DNAH2: variants seen among roughly 807,000 people sequenced by gnomAD.
DNAH2 encodes axonemal beta dynein heavy chain 2.
DNAH2 carries 323 observed loss-of-function variants against 523.5 expected under a neutral mutation model. The ratio of observed to expected loss-of-function variants is 0.62; its 90% confidence interval spans 0.56 to 0.68. The LOEUF (loss-of-function observed/expected upper bound fraction) is 0.68, where lower values mean the gene tolerates loss of function less well. Ranked by LOEUF, DNAH2 falls within the 30% of genes least tolerant of loss-of-function variation. The probability of loss-of-function intolerance (pLI) is 0.00; values close to 1 mark genes in which losing one functional copy is unlikely to be tolerated. For synonymous variants in DNAH2, 2,093 were observed against 2,177.4 expected, an observed-to-expected ratio of 0.96 and a Z score of 1.08; for missense variants, 4,907 against 5,701.5, an observed-to-expected ratio of 0.86 and a Z score of 4.49.
At chr17:7,789,881 A>G (rs1263149659) in intron 44 of DNAH2, among the ~76,000 whole-genome samples, 1 of 151,910 alleles carries the variant, frequency 6.6e-6, no homozygotes. Flanking sequence ...CCTGGCCAGG[A>G]TTGAGGATTA....
At chr17:7,726,226 G>C (rs2074804952) in intron 3 of DNAH2, among the ~76,000 whole-genome samples, 1 of 151,608 alleles carries the variant, frequency 6.6e-6, no homozygotes, top group Non-Finnish European at 1.5e-5. Context: ...GGCTGGTCTT[G>C]AATGCCTGAC....
rs761275296 is a variant in DNAH2 at position 7,818,477 on chromosome 17, G to A, written c.10536+17G>A. On this transcript the variant is annotated intron_variant, in intron 69 of 85. Coordinates refer to ENST00000572933, the MANE Select transcript of DNAH2 (RefSeq NM_020877.5). Reference sequence around the variant, plus strand: ...AAAGAACAGGTGGGTACAGGCTGAGGTCCAGACTGAGCTAGGGTGAAGCAG... The same window carrying A: ...AAAGAACAGGTGGGTACAGGCTGAGATCCAGACTGAGCTAGGGTGAAGCAG... 3.3e-5 allele frequency: 53 copies of A among 1,613,670 alleles called. 1 individual carries two copies. The South Asian group carries it at 4.7e-4, about 14-fold the overall frequency.
intron 12 of DNAH2, among the ~76,000 whole-genome samples, chr17:7,751,013 T>C (rs1212103901): frequency 1.3e-5 from 2 of 152,238 alleles, no homozygotes; most frequent in African/African-American, 4.8e-5. Flanking sequence ...GTATTTAGAA[T>C]GCAAAGTTTC....
intron 56 of DNAH2, among the ~76,000 whole-genome samples, chr17:7,799,661 A>C (rs1215439838): frequency 2.6e-5 from 4 of 152,118 alleles, no homozygotes; most frequent in Non-Finnish European, 5.9e-5. Context: ...CTAAAAATAC[A>C]AAAAATTAGC....
At chr17:7,728,501 A>G (rs2074892560) in intron 4 of DNAH2, among the ~76,000 whole-genome samples, 1 of 152,200 alleles carries the variant, frequency 6.6e-6, no homozygotes, top group African/African-American at 2.4e-5. Flanking sequence ...CCACAAAACA[A>G]TGAAAAAAGA....
In DNAH2 at chr17:7,763,878, A is replaced by G; in HGVS notation, c.3026A>G (p.Asn1009Ser). ...GTGCAGAAGGAGGAGACAGTCACCA[A>G]CATCCAGTTTGTGCTGCTGGACTGT... ...NNVQKEETVT[N>S]IQFVLLDCSH... The change falls in exon 19 of 86, where the codon AAC becomes AGC. Residue 1009 changes from asparagine to serine, a missense_variant. This residue lies in a region of DNAH2 where 2,806 missense variants were observed against 3,190.8 expected (regional missense o/e 0.88). Coordinates refer to ENST00000572933, the MANE Select transcript of DNAH2 (RefSeq NM_020877.5). 6.2e-7 allele frequency: 1 copy of G among 1,614,216 alleles called. No individual in the cohort carries two copies. The highest frequency in any genetic ancestry group is 8.5e-7 in the Non-Finnish European group (1 of 1,180,036).
At chr17:7,817,180 G>A in intron 64 of DNAH2, 110 bp from the exon 65 acceptor site, 1 of 1,430,406 alleles carries the variant, frequency 7.0e-7, no homozygotes, top group Non-Finnish European at 9.2e-7. Context: ...GGGAGGGAAA[G>A]ATCCTCTTTG....
chr17:7,797,090 A>T, intron 50 of DNAH2, 86 bp from the exon 51 acceptor site: 1 of 1,205,336 alleles, frequency 8.3e-7, no homozygotes, highest in Non-Finnish European at 1.2e-6. Context: ...AGACAGAGTG[A>T]GACTCTGTCC....
intron 30 of DNAH2, 88 bp from the exon 31 acceptor site, chr17:7,775,936 A>C: frequency 6.4e-7 from 1 of 1,550,990 alleles, no homozygotes; most frequent in Non-Finnish European, 8.8e-7. Context: ...CAAAGCCCTG[A>C]AGTGCTGCTC....
rs755989367 is a variant in DNAH2, at chr17:7,799,194, A to C, written c.8651A>C (p.Asn2884Thr). Reference protein sequence around the residue: ...LFAYLIERVQNNLHIVLCLSP... With the variant: ...LFAYLIERVQTNLHIVLCLSP... ...GCCTACCTCATTGAACGCGTGCAGA[A>C]CAACCTGCACATCGTGCTCTGCCTC... Residue 2884 changes from asparagine to threonine, a missense_variant, in exon 56 of 86, where the codon AAC becomes ACC. Asn to Thr is a moderately conservative substitution (Grantham distance 65). Coordinates refer to ENST00000572933, the MANE Select transcript of DNAH2 (RefSeq NM_020877.5). 20 of 1,614,234 alleles carry C rather than the reference A, an allele frequency of 1.2e-5. No individual in the cohort carries two copies. Among genetic ancestry groups the C allele is most frequent in the Admixed American group, 3.3e-5 (2 of 60,022 alleles).
chr17:7,817,364 C>G lies in DNAH2; in HGVS notation c.9969C>G (p.Pro3323=). The G allele has an allele frequency of 6.2e-7, 1 of 1,613,578 alleles. No individual in the cohort carries two copies. Residue 3323 remains proline, a synonymous_variant, in exon 65 of 86, where the codon CCC becomes CCG. Coordinates refer to ENST00000572933, the MANE Select transcript of DNAH2 (RefSeq NM_020877.5). ...LAAAFLSYMG[P]FLTNYRDEIV... is the part of the protein sequence containing the mutation. ...CTGCCTTCCTGTCCTACATGGGACC[C>G]TTCCTGACCAACTACCGGGATGAGA...
At chr17:7,749,132 T>TA (rs2075596798) in intron 12 of DNAH2, among the ~76,000 whole-genome samples, 1 of 149,626 alleles carries the variant, frequency 6.7e-6, no homozygotes, top group African/African-American at 2.5e-5. Flanking sequence ...AACATGGAGA[T>TA]ACCCTGTCTC....
chr17:7,740,975 A>T lies in DNAH2; in HGVS notation c.1672A>T (p.Ile558Phe). The T allele has an allele frequency of 1.2e-6, 2 of 1,604,072 alleles. No homozygotes were observed. Among genetic ancestry groups the T allele is most frequent in the Non-Finnish European group, 1.7e-6 (2 of 1,172,178 alleles). ...ARWVHILRRR[I>F]DRVMTCLAGA... is the part of the protein sequence containing the mutation. ...CTGGGTGCACATCCTCCGGCGTCGC[A>T]TCGACAGAGTCATGACCGTAAGTGC... Residue 558 changes from isoleucine to phenylalanine, a missense_variant, in exon 11 of 86, where the codon ATC (isoleucine) becomes TTC (phenylalanine). By Grantham distance (21) the Ile-to-Phe change is conservative. Transcript: ENST00000572933.
At chr17:7,806,105 A>T (rs181984641) in intron 61 of DNAH2, among the ~76,000 whole-genome samples, 1 of 152,318 alleles carries the variant, frequency 6.6e-6, no homozygotes, top group East Asian at 1.9e-4. Context: ...CCATACAATC[A>T]TTCTGTTTTT....
rs754594423 is a variant in DNAH2 at position 7,818,068 on chromosome 17, C to A, written c.10359C>A (p.Pro3453=). ...VQEYLDPTLN[P]MLNKSVARIG... is the part of the protein sequence containing the mutation. Reference sequence around the variant, plus strand: ...AATATCTGGACCCCACACTGAACCCCATGCTCAACAAATCTGTAGCCCGAA... The same window carrying A: ...AATATCTGGACCCCACACTGAACCCAATGCTCAACAAATCTGTAGCCCGAA... The change falls in exon 68 of 86, where the codon CCC becomes CCA. Residue 3453 remains proline, a synonymous_variant. Transcript: ENST00000572933. The A allele has an allele frequency of 1.1e-5, 17 of 1,613,124 alleles. No individual in the cohort carries two copies. In the South Asian group the frequency reaches 1.9e-4, roughly 18 times the overall value.
At position 7,739,262 on chromosome 17, in the gene DNAH2, C is replaced by T. The variant is rs541697112; in HGVS notation, c.1171-471C>T. Among the ~76,000 whole-genome samples, 4 of 152,272 alleles carry T rather than the reference C, an allele frequency of 2.6e-5. No homozygotes were observed. In the South Asian group the frequency reaches 8.3e-4, roughly 32 times the overall value. ...CTCTACTAAAAATACAAAAATTAGC[C>T]GGGCCTGGTGGTGCATACCTGTAAT... On this transcript the variant is annotated intron_variant, in intron 8 of 85. Transcript: ENST00000572933.
At position 7,752,651 on chromosome 17, in the gene DNAH2, A is replaced by G. The variant is rs113822396; in HGVS notation, c.1905-4440A>G. Among the ~76,000 whole-genome samples, 623 of 152,306 alleles carry G rather than the reference A, an allele frequency of 4.1e-3. 4 individuals are homozygous for G. Among genetic ancestry groups the G allele is most frequent in the Middle Eastern group, 0.014 (4 of 294 alleles). On this transcript the variant is annotated intron_variant, in intron 12 of 85. Transcript: ENST00000572933. ...CGTGAACCTGGGAGGCAGAGCTTGC[A>G]GTGAGCTGAGATTGCGCCACTGCAC...
In DNAH2 at chr17:7,719,832, A is replaced by G. The variant is rs2074543076; in HGVS notation, c.98A>G (p.Gln33Arg). Residue 33 changes from glutamine to arginine, a missense_variant, in exon 2 of 86, where the codon CAG (glutamine) becomes CGG (arginine). By Grantham distance (43) the Gln-to-Arg change is conservative. Transcript: ENST00000572933. ...GRATRAAVAT[Q>R]EQGNAPAVSE... The stretch of plus-strand genomic sequence containing the variant: ...GCCACTCGGGCTGCTGTGGCCACAC[A>G]GGAGCAGGGGAATGCCCCGGCTGTC... 1.2e-6 allele frequency: 2 copies of G among 1,610,872 alleles called. No homozygotes were observed. The highest frequency in any genetic ancestry group is 1.3e-5 in the African/African-American group (1 of 74,870).
intron 12 of DNAH2, among the ~76,000 whole-genome samples, chr17:7,751,151 A>T (rs978703951): frequency 8.2e-5 from 12 of 145,592 alleles, no homozygotes; most frequent in African/African-American, 2.8e-4. Context: ...TTATTTATTC[A>T]TTTTTTTTTT....
Sources: gnomAD v4.1 joint callset for allele counts (sites outside exome capture counted in the v4.1 genomes callset) on GRCh38, gnomAD v4.1.1 for gene constraint, gnomAD v4.1.1 regional missense constraint, MANE v1.5 for transcripts, NCBI Gene and HGNC (gene_info 2026-07-23, HGNC 2026-07-21) for gene names.